Variants in WAC observed in about 807,000 individuals in gnomAD.
WAC encodes WW domain containing adaptor with coiled-coil, also known as WW domain-containing adapter protein with coiled-coil.
Under a neutral mutation model 79.6 loss-of-function variants are expected in WAC, and 11 were observed. The observed-to-expected ratio is 0.14, with a 90% confidence interval of 0.09 to 0.23. The LOEUF is 0.23. Ranked by LOEUF, WAC falls within the 10% of genes least tolerant of loss-of-function variation. The probability of loss-of-function intolerance (pLI) is 1.00; values close to 1 mark genes in which losing one functional copy is unlikely to be tolerated. For synonymous variants in WAC, 304 were observed against 276.9 expected (o/e 1.10, Z -0.97); for missense variants, 728 against 773.5 (o/e 0.94, Z 0.70).
chr10:28,546,197 C>T (rs563030306), intron 3 of WAC, among the ~76,000 whole-genome samples: 3 of 152,304 alleles, frequency 2.0e-5, no homozygotes, highest in African/African-American at 7.2e-5. Context: ...CTGACCTGTT[C>T]TGTATTCATA....
At chr10:28,537,465 A>G (rs185590892) in intron 3 of WAC, 10 of 152,342 alleles carry the variant, frequency 6.6e-5, no homozygotes, top group Admixed American at 2.0e-4. Context: ...CTTCTTACAA[A>G]TAGGCTCTTA....
intron 4 of WAC, among the ~76,000 whole-genome samples, chr10:28,584,999 C>G (rs1434264491): frequency 2.6e-5 from 4 of 151,898 alleles, no homozygotes; most frequent in African/African-American, 7.3e-5. Context: ...ACCTGGGAGG[C>G]GGAGGTTGCA....
intron 13 of WAC, 95 bp downstream of exon 13, chr10:28,617,879 T>C: frequency 7.3e-7 from 1 of 1,374,194 alleles, no homozygotes; most frequent in Non-Finnish European, 9.7e-7. Context: ...TTATGAAATG[T>C]AAAGTTCTCT....
Position 28,537,630 on chromosome 10 carries a change from C to T in WAC, c.274+1873C>T, listed in dbSNP as rs190842047. ...TCTGTTGCTTATTCATTCAACAAACCTGGGGCATCTACTGTGTGCCAACAT... is the reference window on the plus strand; with the variant it reads ...TCTGTTGCTTATTCATTCAACAAACTTGGGGCATCTACTGTGTGCCAACAT... On this transcript the variant is annotated intron_variant, in intron 3 of 13. Coordinates refer to ENST00000354911, the MANE Select transcript of WAC (RefSeq NM_016628.5). The T allele has an allele frequency of 2.6e-5, 4 of 152,294 alleles. No homozygotes were observed. In the East Asian group the frequency reaches 7.7e-4, roughly 29 times the overall value. The allele number at this position is 152,294 out of a possible 1,614,324, so 9.4% of individuals were successfully genotyped here. A position where few individuals can be genotyped will look rare whatever the true frequency, so the allele number is the denominator to read the frequency against.
rs777583791 is a variant in WAC at position 28,617,711 on chromosome 10, A to G, written c.1801A>G (p.Ile601Val). Residue 601 changes from isoleucine to valine, a missense_variant, in exon 13 of 14, where the codon ATT (isoleucine) becomes GTT (valine). Coordinates refer to ENST00000354911, the MANE Select transcript of WAC (RefSeq NM_016628.5). ...HNMGTIHMSE[I>V]CTELKNLRSL... ...CATGGGAACTATTCACATGTCCGAA[A>G]TTTGTACTGAATTAAAAAATTTAAG... 1.9e-6 allele frequency: 3 copies of G among 1,598,986 alleles called. No homozygotes were observed. Among genetic ancestry groups the G allele is most frequent in the Non-Finnish European group, 2.6e-6 (3 of 1,175,440 alleles).
Position 28,587,301 on chromosome 10 carries a change from A to G in WAC, c.382-2435A>G, listed in dbSNP as rs189731153. On this transcript the variant is annotated intron_variant, in intron 4 of 13. Transcript: ENST00000354911. ...AATGTTTGACTTAATAGAAAAAGAC[A>G]CTTAGAATTTCATAATTTCGTATCT... Among the ~76,000 whole-genome samples the G allele has an allele frequency of 5.9e-5, 9 of 152,370 alleles. No homozygotes were observed. In the East Asian group the frequency reaches 1.7e-3, roughly 29 times the overall value.
intron 11 of WAC, 29 bp downstream of exon 11, chr10:28,614,714 A>G (rs777143173): frequency 5.3e-6 from 8 of 1,523,320 alleles, no homozygotes; most frequent in Non-Finnish European, 7.3e-6. Flanking sequence ...TTGAGACCAC[A>G]TTGTTTTATT....
At position 28,589,418 on chromosome 10, in the gene WAC, G is replaced by T. The variant is rs374349571; in HGVS notation, c.382-318G>T. ...GTGCATTCCCCACCCCCATGTTACT[G>T]GATTTCAACAATTAAAATTGTGGTG... On this transcript the variant is annotated intron_variant, in intron 4 of 13. Coordinates refer to ENST00000354911, the MANE Select transcript of WAC (RefSeq NM_016628.5). 7 of 184,738 alleles carry T rather than the reference G, an allele frequency of 3.8e-5. No individual in the cohort carries two copies. In the East Asian group the frequency reaches 6.1e-4, roughly 16 times the overall value. 11.4% of individuals were successfully genotyped at this position (184,738 alleles called of 1,614,324 possible).
chr10:28,551,308 TGTAAA>T (rs1353941323), intron 3 of WAC, among the ~76,000 whole-genome samples: 1 of 152,212 alleles, frequency 6.6e-6, no homozygotes, highest in Admixed American at 6.5e-5. Context: ...ACTATAATGA[TGTAAA>T]GTGACTTTTC....
At chr10:28,593,954 G>C (rs1020200329) in intron 6 of WAC, among the ~76,000 whole-genome samples, 2 of 151,990 alleles carry the variant, frequency 1.3e-5, no homozygotes, top group African/African-American at 2.4e-5. Context: ...GTTATGGAAG[G>C]CTTTCCTGTT....
intron 3 of WAC, among the ~76,000 whole-genome samples, chr10:28,540,174 G>T (rs1342663845): frequency 7.2e-5 from 11 of 152,064 alleles, no homozygotes; most frequent in Admixed American, 2.0e-4. Flanking sequence ...ATTAACAGTC[G>T]CTTTTGATAC....
At chr10:28,533,668 C>CGGCG in intron 1 of WAC, 48 bp downstream of exon 1, 4 of 1,217,136 alleles carry the variant, frequency 3.3e-6, no homozygotes. Flanking sequence ...GGGGCGGCGG[C>CGGCG]GGGGGGGCTG....
intron 3 of WAC, among the ~76,000 whole-genome samples, chr10:28,578,367 C>T (rs768154477): frequency 7.2e-5 from 11 of 152,084 alleles, no homozygotes; most frequent in Non-Finnish European, 1.3e-4. Context: ...CCTGTTCCTT[C>T]CTTAGTGTCT....
intron 2 of WAC, 27 bp from the exon 3 acceptor site, chr10:28,535,535 T>C (rs1258991602): frequency 6.6e-7 from 1 of 1,525,098 alleles, no homozygotes; most frequent in Non-Finnish European, 8.8e-7. Context: ...TCTTTCTCTC[T>C]TTTTTTGGGG....
chr10:28,536,086 C>G (rs11593768), intron 3 of WAC: 35,726 of 158,980 alleles, frequency 0.22, 4,873 homozygotes, highest in Non-Finnish European at 0.27. Context: ...ACTAAAAATA[C>G]AAAAGTTAGT....
At position 28,542,066 on chromosome 10, in the gene WAC, C is replaced by T. The variant is rs190640630; in HGVS notation, c.274+6309C>T. Among the ~76,000 whole-genome samples, 56 of 152,240 alleles carry T rather than the reference C, an allele frequency of 3.7e-4. No homozygotes were observed. In the East Asian group the frequency reaches 0.011, roughly 29 times the overall value. On this transcript the variant is annotated intron_variant, in intron 3 of 13. Coordinates refer to ENST00000354911, the MANE Select transcript of WAC (RefSeq NM_016628.5). Reference sequence around the variant, plus strand: ...TTTTCAGCCTCTTCTACTATCTTCCCCTTGTTTGTGCTACTCTCTCCATAC... The same window carrying T: ...TTTTCAGCCTCTTCTACTATCTTCCTCTTGTTTGTGCTACTCTCTCCATAC...
chr10:28,548,266 C>A (rs954207564), intron 3 of WAC, among the ~76,000 whole-genome samples: 3 of 152,136 alleles, frequency 2.0e-5, no homozygotes, highest in African/African-American at 7.2e-5. Flanking sequence ...ACCCTGAATG[C>A]TTAGTGCCTT....
intron 8 of WAC, among the ~76,000 whole-genome samples, chr10:28,609,558 A>G (rs1050783229): frequency 6.6e-6 from 1 of 152,182 alleles, no homozygotes; most frequent in African/African-American, 2.4e-5. Context: ...CTTGTGTGGT[A>G]GGTAAATGTT....
chr10:28,534,007 C>G lies in WAC; in HGVS notation c.51C>G (p.Asp17Glu). 2.5e-6 allele frequency: 4 copies of G among 1,602,596 alleles called. No individual in the cohort carries two copies. The highest frequency in any genetic ancestry group is 3.4e-6 in the Non-Finnish European group (4 of 1,174,782). Residue 17 changes from aspartate to glutamate, a missense_variant, in exon 2 of 14, where the codon GAC (aspartate) becomes GAG (glutamate). Physicochemically the swap from Asp to Glu is conservative, Grantham distance 45. Transcript: ENST00000354911. ...KQQRLSDGCHDRRGDSQPYQA... is the reference protein window; with the variant it reads ...KQQRLSDGCHERRGDSQPYQA... ...TCTTCCTGTTTTTCAGCTGTCACGA[C>G]CGGAGGGGGGACTCGCAGCCTTACC... is the stretch of plus-strand genomic sequence containing the variant.
Sources: allele counts gnomAD v4.1 joint callset (sites outside exome capture counted in the v4.1 genomes callset), GRCh38; gene constraint gnomAD v4.1.1; transcripts MANE v1.5; gene names NCBI Gene and HGNC (gene_info 2026-07-23, HGNC 2026-07-21).